Variants in SEL1L3 observed in about 807,000 individuals in gnomAD.
The protein encoded by SEL1L3 is protein sel-1 homolog 3.
SEL1L3 carries 76 observed loss-of-function variants against 142.8 expected under a neutral mutation model. That is an observed-to-expected ratio of 0.53 (90% CI 0.44 to 0.64). The LOEUF is 0.64. SEL1L3 is among the 30% of genes least tolerant of loss of function. The probability of loss-of-function intolerance (pLI) is 0.00; values close to 1 mark genes in which losing one functional copy is unlikely to be tolerated. For synonymous variants in SEL1L3, 504 were observed against 519.6 expected (o/e 0.97, Z 0.41); for missense variants, 1,262 against 1,381.7 (o/e 0.91, Z 1.37).
At position 25,776,368 on chromosome 4, in the gene SEL1L3, A is replaced by C. The variant is rs1179336787; in HGVS notation, c.2586-8T>G. ...GCTACATGTTTTGCCCATCTGAAAA[A>C]AAAAAGGGAAGAGAAAATACGCAAA... On this transcript the variant is annotated splice_polypyrimidine_tract_variant and splice_region_variant and intron_variant, in intron 16 of 23. Transcript: ENST00000399878. The C allele has an allele frequency of 1.2e-6, 2 of 1,604,454 alleles. No individual in the cohort carries two copies. Among genetic ancestry groups the C allele is most frequent in the Admixed American group, 1.7e-5 (1 of 59,694 alleles).
chr4:25,756,680 A>G, intron 23 of SEL1L3: 3 of 1,089,226 alleles, frequency 2.8e-6, no homozygotes, highest in South Asian at 2.6e-5. Flanking sequence ...ACTATTCTAT[A>G]CTGGCTCAGA....
chr4:25,777,744 T>C (rs536177785), intron 16 of SEL1L3: 1 of 441,870 alleles, frequency 2.3e-6, no homozygotes, highest in Non-Finnish European at 4.5e-6. Context: ...ATAACAATGA[T>C]AAAAAACTTC....
chr4:25,825,666 A>ATT lies in SEL1L3; in HGVS notation c.1158-3540_1158-3539dup, dbSNP rs33997941. ...TTCTTCAGGGCCTGGTCTAAATTCT[A>ATT]TTTTTTTTTTTTTTTTTTTTTTTTT... On this transcript the variant is annotated intron_variant, in intron 6 of 23. Transcript: ENST00000399878. 9.4e-3 allele frequency among the ~76,000 whole-genome samples: 695 copies of ATT among 74,072 alleles called. 48 individuals carry two copies. The highest frequency in any genetic ancestry group is 0.031 in the East Asian group (68 of 2,196). The allele number at this position is 74,072 out of a possible 152,430, so 48.6% of individuals were successfully genotyped here.
At chr4:25,724,024 T>A in the SEL1L3 span, among the ~76,000 whole-genome samples, 1 of 152,244 alleles carries the variant, frequency 6.6e-6, no homozygotes, top group Admixed American at 6.5e-5. Flanking sequence ...TCATTTATAC[T>A]CAATTAGTGA....
rs537017350 is a variant in SEL1L3, at chr4:25,819,820, T to A, written c.1411A>T (p.Arg471Ter). 6.2e-7 allele frequency: 1 copy of A among 1,612,012 alleles called. No homozygotes were observed. Among genetic ancestry groups the A allele is most frequent in the African/African-American group, 1.3e-5 (1 of 74,982 alleles). The change falls in exon 8 of 24, where the codon AGA (arginine) becomes TGA (stop). Residue 471 changes from arginine (R) to a stop codon, truncating the protein, a stop_gained. Transcript: ENST00000399878. LOFTEE classifies it high-confidence loss of function. ...YASAAKHGGE[R>*]QEACHLHNSY... ...GCTCAACACTTACATGCTTCTTGTC[T>A]CTCGCCCCCGTGCTTTGCTGCAGAT...
chr4:25,858,572 ATTTTT>A (rs139555950), intron 1 of SEL1L3, among the ~76,000 whole-genome samples: 1 of 149,426 alleles, frequency 6.7e-6, no homozygotes, highest in African/African-American at 2.5e-5. Context: ...GTTTTTTTTG[ATTTTT>A]TTGTTTGTTT....
chr4:25,811,923 A>G (rs752741), intron 9 of SEL1L3, among the ~76,000 whole-genome samples: 7,966 of 152,270 alleles, frequency 0.052, 675 homozygotes, highest in African/African-American at 0.18. Flanking sequence ...TAGTGAATAG[A>G]AAGATAACAT....
chr4:25,785,931 T>C (rs997664429), intron 13 of SEL1L3, among the ~76,000 whole-genome samples: 8 of 152,190 alleles, frequency 5.3e-5, no homozygotes, highest in Non-Finnish European at 1.2e-4. Flanking sequence ...AGAATAGGGA[T>C]GTTTACACTA....
chr4:25,832,967 T>C, intron 5 of SEL1L3, 28 bp downstream of exon 5: 1 of 1,315,250 alleles, frequency 7.6e-7, no homozygotes, highest in Non-Finnish European at 1.1e-6. Context: ...TGCTCGTATG[T>C]CGTGTGATGA....
At chr4:25,832,584 A>G (rs981227578) in intron 5 of SEL1L3, among the ~76,000 whole-genome samples, 6 of 152,158 alleles carry the variant, frequency 3.9e-5, no homozygotes, top group African/African-American at 1.4e-4. Flanking sequence ...CAGTCAAATC[A>G]TTTCTTGGCT....
chr4:25,751,938 G>A (rs960983141), intron 23 of SEL1L3, among the ~76,000 whole-genome samples: 1 of 151,704 alleles, frequency 6.6e-6, no homozygotes, highest in African/African-American at 2.4e-5. Context: ...GTGAAACCCT[G>A]TCTCTACTAA....
chr4:25,850,261 G>C (rs1716795330), intron 1 of SEL1L3, among the ~76,000 whole-genome samples: 1 of 152,172 alleles, frequency 6.6e-6, no homozygotes, highest in Non-Finnish European at 1.5e-5. Flanking sequence ...CCCTTTTAAA[G>C]CAACTGATAG....
intron 6 of SEL1L3, among the ~76,000 whole-genome samples, chr4:25,828,182 C>T (rs1454485184): frequency 6.6e-6 from 1 of 152,206 alleles, no homozygotes; most frequent in Non-Finnish European, 1.5e-5. Flanking sequence ...GCTAATAACA[C>T]TTCTTTAGCC....
chr4:25,847,281 A>G lies in SEL1L3; in HGVS notation c.733+13T>C. ...AAATGAGAATTAGGTTCCTAGCAAGATAGATGACCTACCATTTTCCAGAGG... is the reference window on the plus strand; with the variant it reads ...AAATGAGAATTAGGTTCCTAGCAAGGTAGATGACCTACCATTTTCCAGAGG... On this transcript the variant is annotated intron_variant, in intron 2 of 23. Coordinates refer to ENST00000399878, the MANE Select transcript of SEL1L3 (RefSeq NM_015187.5). The G allele has an allele frequency of 1.3e-6, 2 of 1,597,564 alleles. No individual in the cohort carries two copies. The highest frequency in any genetic ancestry group is 1.7e-6 in the Non-Finnish European group (2 of 1,170,272).
intron 6 of SEL1L3, among the ~76,000 whole-genome samples, chr4:25,822,433 C>A (rs1714824665): frequency 6.6e-6 from 1 of 152,194 alleles, no homozygotes; most frequent in South Asian, 2.1e-4. Flanking sequence ...GTAAAGATGT[C>A]AAGCATCTAG....
At chr4:25,839,459 A>G (rs1716035685) in intron 2 of SEL1L3, among the ~76,000 whole-genome samples, 1 of 152,214 alleles carries the variant, frequency 6.6e-6, no homozygotes, top group South Asian at 2.1e-4. Flanking sequence ...GATAGGTTAA[A>G]TAAATTACGG....
chr4:25,718,568 G>A, the SEL1L3 span: 2 of 152,318 alleles, frequency 1.3e-5, no homozygotes, highest in South Asian at 4.1e-4. Context: ...CAAGTGCTAT[G>A]TGGCTTACGG....
chr4:25,739,224 A>C, the SEL1L3 span, among the ~76,000 whole-genome samples: 5 of 151,972 alleles, frequency 3.3e-5, no homozygotes, highest in African/African-American at 1.2e-4. Context: ...AGAAAAACAA[A>C]AACAACAACA....
At chr4:25,791,237 T>G (rs1712316940) in intron 11 of SEL1L3, among the ~76,000 whole-genome samples, 1 of 152,240 alleles carries the variant, frequency 6.6e-6, no homozygotes, top group African/African-American at 2.4e-5. Flanking sequence ...GCTTCAAATA[T>G]CTTTTGGCTA....
Sources: gnomAD v4.1 joint callset for allele counts (sites outside exome capture counted in the v4.1 genomes callset) on GRCh38, gnomAD v4.1.1 for gene constraint, MANE v1.5 for transcripts, NCBI Gene and HGNC (gene_info 2026-07-23, HGNC 2026-07-21) for gene names.